Variants in NELL2 observed in about 807,000 individuals in gnomAD.
The protein encoded by NELL2 is protein kinase C-binding protein NELL2.
NELL2 carries 41 observed loss-of-function variants against 109.6 expected under a neutral mutation model. That is an observed-to-expected ratio of 0.37 (90% confidence interval 0.29 to 0.49). NELL2 has a LOEUF of 0.49. Among genes scored for constraint, NELL2 ranks in the 20% least tolerant of loss-of-function variants. NELL2 has a pLI of 0.98. For missense variants in NELL2, 900 were observed against 1,008.3 expected (o/e 0.89, Z 1.45); for synonymous variants, 355 against 344.7 (o/e 1.03, Z -0.33).
chr12:44,914,124 T>C (rs1945807993), upstream of NELL2: 1 of 170,250 alleles, frequency 5.9e-6, no homozygotes, highest in South Asian at 1.8e-4. Flanking sequence ...ATCCTCAAAA[T>C]AGCATCCAAA....
intron 15 of NELL2, among the ~76,000 whole-genome samples, chr12:44,544,747 T>C (rs539840914): frequency 5.3e-5 from 8 of 152,060 alleles, no homozygotes; most frequent in Non-Finnish European, 2.9e-5. Context: ...AGTAATGATA[T>C]GAAGTATGAT....
At chr12:44,538,369 G>A (rs1942384846) in intron 15 of NELL2, among the ~76,000 whole-genome samples, 1 of 152,194 alleles carries the variant, frequency 6.6e-6, no homozygotes, top group East Asian at 1.9e-4. Flanking sequence ...GCAGTAACTG[G>A]CTCGTAAGAG....
intron 2 of NELL2, among the ~76,000 whole-genome samples, chr12:44,831,093 T>C (rs1739134345): frequency 6.6e-6 from 1 of 152,038 alleles, no homozygotes; most frequent in African/African-American, 2.4e-5. Context: ...CTTGAAGTTT[T>C]TCCCACCATT....
chr12:44,540,479 G>T (rs909183172), intron 15 of NELL2, among the ~76,000 whole-genome samples: 1 of 152,092 alleles, frequency 6.6e-6, no homozygotes, highest in African/African-American at 2.4e-5. Flanking sequence ...GAAATACCAT[G>T]TAGAGCTGAG....
chr12:44,869,921 C>A (rs1444002918), intron 2 of NELL2, among the ~76,000 whole-genome samples: 2 of 152,174 alleles, frequency 1.3e-5, no homozygotes, highest in Non-Finnish European at 2.9e-5. Context: ...TCTCTCTCCT[C>A]TCACGTTACT....
Position 44,520,000 on chromosome 12 carries a change from T to A in NELL2, c.2400+5A>T. 6.2e-7 allele frequency: 1 copy of A among 1,613,324 alleles called. No homozygotes were observed. The highest frequency in any genetic ancestry group is 1.1e-5 in the South Asian group (1 of 91,026). On this transcript the variant is annotated splice_donor_5th_base_variant and intron_variant, in intron 19 of 19. Coordinates refer to ENST00000429094, the MANE Select transcript of NELL2 (RefSeq NM_001145108.2). ...TGCTCACTATTTAAATTTAATGGAG[T>A]TTACCTTGCACTGGCAGAGAGTACA... is the stretch of plus-strand genomic sequence containing the variant.
intron 15 of NELL2, among the ~76,000 whole-genome samples, chr12:44,590,716 A>G (rs1944713025): frequency 1.3e-5 from 2 of 152,168 alleles, no homozygotes; most frequent in Admixed American, 1.3e-4. Flanking sequence ...GTAAGCAAAG[A>G]TTTTATGGGT....
Position 44,818,737 on chromosome 12 carries a change from T to A in NELL2, c.185-2601A>T, listed in dbSNP as rs1336432775. On this transcript the variant is annotated intron_variant, in intron 2 of 19. Transcript: ENST00000429094. ...ATTTTGTTCACTTATTTTTTTTTTT[T>A]TATTTTTTTTTTTTTTGAGACGGAG... Among the ~76,000 whole-genome samples the A allele has an allele frequency of 3.5e-5, 3 of 84,556 alleles. 1 individual carries two copies. Among genetic ancestry groups the A allele is most frequent in the African/African-American group, 1.4e-4 (3 of 21,112 alleles). 55.5% of individuals were successfully genotyped at this position (84,556 alleles called of 152,430 possible). A position where few individuals can be genotyped will look rare whatever the true frequency, so the allele number is the denominator to read the frequency against.
intron 3 of NELL2, among the ~76,000 whole-genome samples, chr12:44,785,864 A>T (rs927755839): frequency 1.3e-4 from 20 of 152,344 alleles, no homozygotes; most frequent in Middle Eastern, 3.4e-3. Context: ...CTTACACCTT[A>T]TGCAAAAATT....
intron 13 of NELL2, among the ~76,000 whole-genome samples, chr12:44,644,636 A>G (rs1012653926): frequency 3.0e-5 from 4 of 133,464 alleles, no homozygotes; most frequent in East Asian, 2.1e-4. Flanking sequence ...ACATACATAT[A>G]TATATATATA....
chr12:44,718,370 T>C (rs1039961841), intron 9 of NELL2, among the ~76,000 whole-genome samples: 1 of 152,230 alleles, frequency 6.6e-6, no homozygotes, highest in Non-Finnish European at 1.5e-5. Context: ...CAGTAGAGTA[T>C]AAAGTAAGAA....
intron 13 of NELL2, among the ~76,000 whole-genome samples, chr12:44,654,780 G>C (rs746568646): frequency 6.6e-5 from 10 of 152,190 alleles, no homozygotes; most frequent in African/African-American, 1.4e-4. Context: ...GGGGAGGAAA[G>C]AAGAGCAGCG....
At chr12:44,591,648 G>A (rs903972439) in intron 15 of NELL2, among the ~76,000 whole-genome samples, 3 of 152,098 alleles carry the variant, frequency 2.0e-5, no homozygotes, top group Admixed American at 6.6e-5. Flanking sequence ...TTGTTTAAAG[G>A]ATACAAAATT....
chr12:44,791,992 C>T (rs891815979), intron 3 of NELL2, among the ~76,000 whole-genome samples: 11 of 150,462 alleles, frequency 7.3e-5, no homozygotes, highest in African/African-American at 2.7e-4. Flanking sequence ...TTTTGAGGCA[C>T]AGCAAAGGAA....
At chr12:44,732,766 C>T (rs781405575) in intron 9 of NELL2, among the ~76,000 whole-genome samples, 7 of 151,912 alleles carry the variant, frequency 4.6e-5, no homozygotes, top group African/African-American at 7.2e-5. Flanking sequence ...TGAAAGGCAG[C>T]CTATGGAATG....
chr12:44,859,371 G>A (rs1465737617), intron 2 of NELL2, among the ~76,000 whole-genome samples: 2 of 152,074 alleles, frequency 1.3e-5, no homozygotes, highest in Non-Finnish European at 2.9e-5. Flanking sequence ...GTGAAACCCC[G>A]TCTCCACAAA....
chr12:44,791,109 G>GTATA (rs1327780810), intron 3 of NELL2, among the ~76,000 whole-genome samples: 2 of 10,028 alleles, frequency 2.0e-4, no homozygotes, highest in Non-Finnish European at 2.8e-4. Context: ...ATATATATAT[G>GTATA]TATATATATA....
At chr12:44,516,499 T>G (rs1391352166) in intron 19 of NELL2, among the ~76,000 whole-genome samples, 1 of 152,186 alleles carries the variant, frequency 6.6e-6, no homozygotes, top group Non-Finnish European at 1.5e-5. Flanking sequence ...AGGAGAAACT[T>G]TTTTACTATA....
chr12:44,824,769 G>C (rs11182702), intron 2 of NELL2, among the ~76,000 whole-genome samples: 39,310 of 146,662 alleles, frequency 0.27, 7,025 homozygotes, highest in Non-Finnish European at 0.4. Context: ...GGAGTGCAAC[G>C]GCATGATCTC....
Sources: allele counts gnomAD v4.1 joint callset (sites outside exome capture counted in the v4.1 genomes callset), GRCh38; gene constraint gnomAD v4.1.1; transcripts MANE v1.5; gene names NCBI Gene and HGNC (gene_info 2026-07-23, HGNC 2026-07-21).